CACNA2D3: variants seen among roughly 807,000 people sequenced by gnomAD.
CACNA2D3 encodes calcium voltage-gated channel auxiliary subunit alpha2delta 3, also known as voltage-dependent calcium channel subunit alpha-2/delta-3.
Under a neutral mutation model 160.6 loss-of-function variants are expected in CACNA2D3, and 60 were observed. The ratio of observed to expected loss-of-function variants is 0.37; its 90% CI spans 0.30 to 0.46. CACNA2D3 has a LOEUF of 0.46. Ranked by LOEUF, CACNA2D3 falls within the 20% of genes least tolerant of loss-of-function variation. The probability of loss-of-function intolerance (pLI) is 1.00; values close to 1 mark genes in which losing one functional copy is unlikely to be tolerated. For synonymous variants in CACNA2D3, 558 were observed against 492.9 expected, an observed-to-expected ratio of 1.13 and a Z score of -1.75; for missense variants, 1,205 against 1,365.0, an observed-to-expected ratio of 0.88 and a Z score of 1.85.
Position 54,810,349 on chromosome 3 carries a change from A to T in CACNA2D3, c.1381-6504A>T, listed in dbSNP as rs146447223. Among the ~76,000 whole-genome samples the T allele has an allele frequency of 9.1e-3, 1,388 of 152,328 alleles. 12 individuals carry two copies. The highest frequency in any genetic ancestry group is 0.041 in the South Asian group (197 of 4,824). On this transcript the variant is annotated intron_variant, in intron 13 of 37. Transcript: ENST00000474759. Reference sequence around the variant, plus strand: ...TGGCAGAAGTGGAAGGATGTGAGACAACCTGCACTGCCAAATCTTAGCTCA... The same window carrying T: ...TGGCAGAAGTGGAAGGATGTGAGACTACCTGCACTGCCAAATCTTAGCTCA...
At chr3:54,178,991 G>T (rs181350031) in intron 2 of CACNA2D3, among the ~76,000 whole-genome samples, 1 of 152,130 alleles carries the variant, frequency 6.6e-6, no homozygotes, top group East Asian at 1.9e-4. Context: ...CATCTATATT[G>T]ATGTGAGTTG....
intron 35 of CACNA2D3, among the ~76,000 whole-genome samples, chr3:55,040,266 A>T (rs191960214): frequency 1.3e-5 from 2 of 152,200 alleles, no homozygotes; most frequent in Non-Finnish European, 2.9e-5. Flanking sequence ...ATTGCAGGTA[A>T]GAGTTTCAAC....
chr3:54,651,700 G>A (rs990633041), intron 11 of CACNA2D3, among the ~76,000 whole-genome samples: 3 of 152,070 alleles, frequency 2.0e-5, no homozygotes, highest in Non-Finnish European at 2.9e-5. Flanking sequence ...AGCCTCCCCC[G>A]TGCTATAACT....
At chr3:54,832,669 G>A (rs1280674027) in intron 14 of CACNA2D3, among the ~76,000 whole-genome samples, 1 of 152,184 alleles carries the variant, frequency 6.6e-6, no homozygotes, top group Non-Finnish European at 1.5e-5. Flanking sequence ...TTGGAAAAGA[G>A]AGCCTCTCTG....
rs1414799256 is a variant in CACNA2D3 at position 54,898,011 on chromosome 3, T to C, written c.2368+1141T>C. Among the ~76,000 whole-genome samples, 3 of 152,220 alleles carry C rather than the reference T, an allele frequency of 2.0e-5. No homozygotes were observed. In the East Asian group the frequency reaches 5.8e-4, roughly 29 times the overall value. ...TTGCTGATAGACCTGTGTGTATGCC[T>C]GCCTGTAGTTGTGTGTGCTTTCTCA... On this transcript the variant is annotated intron_variant, in intron 26 of 37. Coordinates refer to ENST00000474759, the MANE Select transcript of CACNA2D3 (RefSeq NM_018398.3).
At chr3:54,519,357 A>G (rs1205879742) in intron 5 of CACNA2D3, among the ~76,000 whole-genome samples, 2 of 152,172 alleles carry the variant, frequency 1.3e-5, no homozygotes, top group Non-Finnish European at 2.9e-5. Context: ...TCCAGCCCAA[A>G]TGCAATCTGG....
At chr3:54,560,050 A>G (rs1702301198) in intron 5 of CACNA2D3, among the ~76,000 whole-genome samples, 1 of 152,180 alleles carries the variant, frequency 6.6e-6, no homozygotes. Flanking sequence ...GAACATATGC[A>G]TGGGTGTATC....
At chr3:55,031,707 G>C (rs1703693484) in intron 35 of CACNA2D3, among the ~76,000 whole-genome samples, 2 of 152,138 alleles carry the variant, frequency 1.3e-5, no homozygotes, top group African/African-American at 4.8e-5. Flanking sequence ...TGCCTTGGAA[G>C]ATATAGCCCA....
At chr3:54,400,732 A>G (rs530160384) in intron 4 of CACNA2D3, among the ~76,000 whole-genome samples, 1 of 152,302 alleles carries the variant, frequency 6.6e-6, no homozygotes, top group African/African-American at 2.4e-5. Context: ...AGTAAGACCC[A>G]TCTGCAAGTG....
At chr3:54,519,049 C>T (rs13063305) in intron 5 of CACNA2D3, among the ~76,000 whole-genome samples, 1,458 of 39,306 alleles carry the variant, frequency 0.037, 1 homozygote, top group South Asian at 0.093. Context: ...GTCATGGTGA[C>T]GAACATGCTC....
intron 4 of CACNA2D3, among the ~76,000 whole-genome samples, chr3:54,477,712 G>T (rs1262990673): frequency 1.3e-5 from 2 of 152,096 alleles, no homozygotes; most frequent in African/African-American, 4.8e-5. Context: ...CTGGCTCCAG[G>T]TGTCTGTCTT....
chr3:54,928,538 G>A (rs986754569), intron 27 of CACNA2D3, among the ~76,000 whole-genome samples: 6 of 152,126 alleles, frequency 3.9e-5, no homozygotes, highest in African/African-American at 9.7e-5. Flanking sequence ...TTTGGTCATC[G>A]AAGTCTTATT....
Position 54,495,091 on chromosome 3 carries a change from G to A in CACNA2D3, c.382-8401G>A, listed in dbSNP as rs1402327391. 4.6e-5 allele frequency among the ~76,000 whole-genome samples: 7 copies of A among 152,228 alleles called. No homozygotes were observed. In the East Asian group the frequency reaches 1.3e-3, roughly 29 times the overall value. On this transcript the variant is annotated intron_variant, in intron 4 of 37. Coordinates refer to ENST00000474759, the MANE Select transcript of CACNA2D3 (RefSeq NM_018398.3). ...TGACATGTGTCCTAGAAAGCAGACTGCTTAAGAGAAGGGGTCCTTCCAATT... is the reference window on the plus strand; with the variant it reads ...TGACATGTGTCCTAGAAAGCAGACTACTTAAGAGAAGGGGTCCTTCCAATT...
chr3:54,304,924 T>A (rs567345371), intron 2 of CACNA2D3, among the ~76,000 whole-genome samples: 17 of 152,244 alleles, frequency 1.1e-4, no homozygotes, highest in African/African-American at 3.1e-4. Context: ...TTTTTTTTTT[T>A]AAACATGGCT....
chr3:54,502,673 G>T (rs1701312882), intron 4 of CACNA2D3, among the ~76,000 whole-genome samples: 1 of 152,142 alleles, frequency 6.6e-6, no homozygotes, highest in African/African-American at 2.4e-5. Context: ...TTTGAATTCT[G>T]GCTTTCCTTA....
chr3:54,546,925 A>G (rs1318012409), intron 5 of CACNA2D3, among the ~76,000 whole-genome samples: 1 of 152,202 alleles, frequency 6.6e-6, no homozygotes, highest in Non-Finnish European at 1.5e-5. Context: ...AAGTAGTTTA[A>G]TAGAGTTAAA....
At chr3:54,288,659 T>A (rs2107473295) in intron 2 of CACNA2D3, among the ~76,000 whole-genome samples, 1 of 152,248 alleles carries the variant, frequency 6.6e-6, no homozygotes, top group African/African-American at 2.4e-5. Context: ...TGAACATTGA[T>A]GCAAATATCC....
intron 5 of CACNA2D3, among the ~76,000 whole-genome samples, chr3:54,554,468 G>A (rs1702208064): frequency 6.6e-6 from 1 of 152,174 alleles, no homozygotes; most frequent in Admixed American, 6.5e-5. Flanking sequence ...CTTGCATAAA[G>A]TCTACCCTGG....
At chr3:54,477,826 A>C (rs1251473464) in intron 4 of CACNA2D3, among the ~76,000 whole-genome samples, 1 of 152,172 alleles carries the variant, frequency 6.6e-6, no homozygotes, top group Non-Finnish European at 1.5e-5. Flanking sequence ...TCCTCAGTCC[A>C]TGGCTGGAGC....
Sources: gnomAD v4.1 joint callset for allele counts (sites outside exome capture counted in the v4.1 genomes callset) on GRCh38, gnomAD v4.1.1 for gene constraint, MANE v1.5 for transcripts, NCBI Gene and HGNC (gene_info 2026-07-23, HGNC 2026-07-21) for gene names.